The following RABGAP1L variants were observed in gnomAD, a reference collection of about 807,000 sequenced individuals.
The protein encoded by RABGAP1L is RAB GTPase activating protein 1 like.
RABGAP1L carries 63 observed loss-of-function variants against 137.7 expected under a neutral mutation model. The observed-to-expected ratio is 0.46, with a 90% CI of 0.37 to 0.56. The LOEUF is 0.56. Among genes scored for constraint, RABGAP1L ranks in the 20% least tolerant of loss-of-function variants. The probability of loss-of-function intolerance (pLI) is 0.00; values close to 1 mark genes in which losing one functional copy is unlikely to be tolerated. For synonymous variants in RABGAP1L, 431 were observed against 433.7 expected, an observed-to-expected ratio of 0.99 and a Z score of 0.08; for missense variants, 1,095 against 1,244.0, an observed-to-expected ratio of 0.88 and a Z score of 1.80.
chr1:174,410,106 A>G (rs1302082810), intron 13 of RABGAP1L, among the ~76,000 whole-genome samples: 13 of 152,046 alleles, frequency 8.6e-5, no homozygotes, highest in Admixed American at 8.5e-4. Flanking sequence ...ATAAAAACCT[A>G]CTGGTTTTGT....
chr1:174,850,045 C>G, intron 19 of RABGAP1L: 2 of 571,708 alleles, frequency 3.5e-6, no homozygotes, highest in Non-Finnish European at 6.8e-6. Flanking sequence ...CTAATCTGCT[C>G]TTGCAGGAGG....
chr1:174,550,889 TATATATAC>T lies in RABGAP1L; in HGVS notation c.1711-86484_1711-86477del, dbSNP rs1273337576. Reference sequence around the variant, plus strand: ...ATATATATATATATATATATATATATATATATACACACACACATATACACACACACACA... The same window carrying T: ...ATATATATATATATATATATATATATACACACACATATACACACACACACA... On this transcript the variant is annotated intron_variant, in intron 13 of 25. Transcript: ENST00000681986. Among the ~76,000 whole-genome samples, 260 of 87,010 alleles carry T rather than the reference TATATATAC, an allele frequency of 3.0e-3. 16 individuals are homozygous for T. Among genetic ancestry groups the T allele is most frequent in the African/African-American group, 0.019 (238 of 12,694 alleles). The allele number at this position is 87,010 out of a possible 152,430, so 57.1% of individuals were successfully genotyped here.
intron 14 of RABGAP1L, among the ~76,000 whole-genome samples, chr1:174,655,594 A>C (rs1215008543): frequency 6.6e-6 from 1 of 152,182 alleles, no homozygotes; most frequent in Non-Finnish European, 1.5e-5. Flanking sequence ...TCCACGATGA[A>C]ATTACTCTTT....
At chr1:174,570,488 T>C (rs2148047691) in intron 13 of RABGAP1L, among the ~76,000 whole-genome samples, 1 of 152,098 alleles carries the variant, frequency 6.6e-6, no homozygotes, top group Admixed American at 6.5e-5. Context: ...AACATAAATA[T>C]GGCAACAATA....
intron 24 of RABGAP1L, among the ~76,000 whole-genome samples, chr1:174,983,959 G>A (rs1485339242): frequency 6.8e-6 from 1 of 147,270 alleles, no homozygotes; most frequent in African/African-American, 2.5e-5. Flanking sequence ...ACCACTCTTT[G>A]TACATTATAG....
intron 10 of RABGAP1L, among the ~76,000 whole-genome samples, chr1:174,289,903 A>G (rs1237330947): frequency 1.3e-5 from 2 of 151,994 alleles, no homozygotes; most frequent in Non-Finnish European, 2.9e-5. Context: ...CTACAGCTGG[A>G]TGGCATTACA....
intron 13 of RABGAP1L, among the ~76,000 whole-genome samples, chr1:174,624,569 T>G (rs951207502): frequency 1.3e-5 from 2 of 152,218 alleles, no homozygotes; most frequent in Non-Finnish European, 2.9e-5. Flanking sequence ...ATATATGAAT[T>G]AAATCATCTT....
chr1:174,672,578 C>G (rs1299023094), intron 14 of RABGAP1L, among the ~76,000 whole-genome samples: 1 of 151,860 alleles, frequency 6.6e-6, no homozygotes, highest in African/African-American at 2.4e-5. Context: ...AACCTGTCTT[C>G]TTTGTAGGCA....
At chr1:174,713,580 T>C (rs1419997402) in intron 17 of RABGAP1L, among the ~76,000 whole-genome samples, 1 of 152,204 alleles carries the variant, frequency 6.6e-6, no homozygotes, top group Non-Finnish European at 1.5e-5. Context: ...TCGTTTACTC[T>C]CTCACTGTAT....
chr1:174,874,577 CCTTT>C, intron 19 of RABGAP1L: 1 of 527,000 alleles, frequency 1.9e-6, no homozygotes, highest in Non-Finnish European at 2.3e-6. Context: ...CACACCACTG[CCTTT>C]TTTTTTTTTT....
At chr1:174,531,536 C>T (rs1664404677) in intron 13 of RABGAP1L, among the ~76,000 whole-genome samples, 1 of 152,070 alleles carries the variant, frequency 6.6e-6, no homozygotes, top group Non-Finnish European at 1.5e-5. Context: ...CACTAGTTAT[C>T]CAGCATATTG....
chr1:174,972,853 CAAAAAAAAAAAA>C (rs373159573), intron 21 of RABGAP1L, among the ~76,000 whole-genome samples: 3 of 52,810 alleles, frequency 5.7e-5, no homozygotes, highest in South Asian at 1.7e-3. Context: ...GACTCTGTCT[CAAAAAAAAAAAA>C]AAAAAAAAAA....
chr1:174,176,481 G>A lies in RABGAP1L; in HGVS notation c.-34+16824G>A, dbSNP rs577590633. On this transcript the variant is annotated intron_variant, in intron 1 of 25. Transcript: ENST00000681986. ...TCCTAGCACTTTGGGAGGCCGAGGC[G>A]GGCGGATCGCTGGAGCTTAGGAGTT... 5.2e-4 allele frequency among the ~76,000 whole-genome samples: 75 copies of A among 144,252 alleles called. 1 individual carries two copies. The highest frequency in any genetic ancestry group is 8.5e-3 in the Middle Eastern group (2 of 234). 94.6% of individuals were successfully genotyped at this position (144,252 alleles called of 152,430 possible).
chr1:174,479,164 A>C (rs952929023), intron 13 of RABGAP1L, among the ~76,000 whole-genome samples: 2 of 152,244 alleles, frequency 1.3e-5, no homozygotes, highest in African/African-American at 4.8e-5. Flanking sequence ...CAGGGTTGGC[A>C]TGGGCCTGAG....
At chr1:174,188,287 A>G (rs1666957190) in intron 1 of RABGAP1L, among the ~76,000 whole-genome samples, 1 of 152,160 alleles carries the variant, frequency 6.6e-6, no homozygotes, top group African/African-American at 2.4e-5. Flanking sequence ...TGATCTTAGG[A>G]AGATCAAAAT....
At chr1:174,320,988 A>G (rs563287140) in intron 11 of RABGAP1L, among the ~76,000 whole-genome samples, 2 of 152,286 alleles carry the variant, frequency 1.3e-5, no homozygotes, top group East Asian at 3.9e-4. Flanking sequence ...AAAAGTGAAT[A>G]GGAGAAATAT....
At chr1:174,327,982 C>CAT (rs1558136090) in intron 11 of RABGAP1L, among the ~76,000 whole-genome samples, 40 of 24,744 alleles carry the variant, frequency 1.6e-3, no homozygotes, top group African/African-American at 5.4e-3. Context: ...TATATATACA[C>CAT]ACACATATAT....
At chr1:174,567,749 A>G (rs944889018) in intron 13 of RABGAP1L, among the ~76,000 whole-genome samples, 3 of 152,178 alleles carry the variant, frequency 2.0e-5, no homozygotes, top group East Asian at 3.9e-4. Context: ...ACCTTAATGC[A>G]ACTCTGCAGG....
At chr1:174,668,322 A>C (rs1039884178) in intron 14 of RABGAP1L, among the ~76,000 whole-genome samples, 18 of 152,106 alleles carry the variant, frequency 1.2e-4, no homozygotes, top group Non-Finnish European at 5.9e-5. Context: ...AATGAGGTCA[A>C]CTTTTTTTTA....
Sources: gnomAD v4.1 joint callset for allele counts (sites outside exome capture counted in the v4.1 genomes callset) on GRCh38, gnomAD v4.1.1 for gene constraint, MANE v1.5 for transcripts, NCBI Gene and HGNC (gene_info 2026-07-23, HGNC 2026-07-21) for gene names.